The following GPC6 variants were observed in gnomAD, a reference collection of about 807,000 sequenced individuals.
The protein encoded by GPC6 is glypican-6.
GPC6 carries 14 observed loss-of-function variants against 55.2 expected under a neutral mutation model. That is an observed-to-expected ratio of 0.25 (90% confidence interval 0.17 to 0.40). GPC6 has a LOEUF of 0.40. GPC6 is among the 10% of genes least tolerant of loss of function. The probability of loss-of-function intolerance (pLI) is 1.00; values close to 1 mark genes in which losing one functional copy is unlikely to be tolerated. For missense variants in GPC6, 641 were observed against 708.5 expected (o/e 0.90, Z 1.08); for synonymous variants, 278 against 259.6 (o/e 1.07, Z -0.68).
intron 1 of GPC6, among the ~76,000 whole-genome samples, chr13:93,417,701 C>A (rs1327859841): frequency 6.6e-6 from 1 of 151,966 alleles, no homozygotes; most frequent in South Asian, 2.1e-4. Context: ...TTTGAATTTA[C>A]AAAACTGTTG....
chr13:93,541,838 T>G (rs1882318521), intron 1 of GPC6, among the ~76,000 whole-genome samples: 1 of 151,284 alleles, frequency 6.6e-6, no homozygotes, highest in African/African-American at 2.4e-5. Context: ...TTGAGAAGTG[T>G]CTGTTCATGT....
At chr13:93,905,688 T>G (rs987099051) in intron 3 of GPC6, among the ~76,000 whole-genome samples, 7 of 152,226 alleles carry the variant, frequency 4.6e-5, no homozygotes, top group African/African-American at 1.4e-4. Context: ...GCAAATAAAT[T>G]GCTTTCTCTC....
chr13:93,889,667 A>C (rs1444996671), intron 3 of GPC6, among the ~76,000 whole-genome samples: 1 of 152,068 alleles, frequency 6.6e-6, no homozygotes, highest in Non-Finnish European at 1.5e-5. Context: ...TCCATTGAGC[A>C]CCTGTTTTCA....
chr13:93,866,649 AT>A (rs1566576971), intron 3 of GPC6, among the ~76,000 whole-genome samples: 1 of 151,816 alleles, frequency 6.6e-6, no homozygotes, highest in African/African-American at 2.4e-5. Flanking sequence ...GTTCTCACTT[AT>A]AAGTGGAAGC....
intron 1 of GPC6, among the ~76,000 whole-genome samples, chr13:93,480,627 C>A (rs1207697963): frequency 6.6e-6 from 1 of 152,158 alleles, no homozygotes; most frequent in Non-Finnish European, 1.5e-5. Context: ...CCCAAAGAAA[C>A]CCTGTATCCA....
chr13:93,608,212 CT>C (rs11340602), intron 2 of GPC6, among the ~76,000 whole-genome samples: 6,016 of 145,242 alleles, frequency 0.041, 386 homozygotes, highest in African/African-American at 0.14. Context: ...TCTTCCAGAA[CT>C]TTTTTTTTTT....
At chr13:93,849,907 A>G (rs183760498) in intron 3 of GPC6, among the ~76,000 whole-genome samples, 2 of 151,712 alleles carry the variant, frequency 1.3e-5, no homozygotes, top group East Asian at 3.9e-4. Context: ...GAGAAAGGAA[A>G]GAAATAAAGG....
intron 4 of GPC6, among the ~76,000 whole-genome samples, chr13:94,176,099 T>C (rs1041174406): frequency 1.8e-4 from 27 of 151,994 alleles, no homozygotes; most frequent in African/African-American, 6.3e-4. Flanking sequence ...ATAAGCTCCT[T>C]ATATATATTG....
intron 4 of GPC6, among the ~76,000 whole-genome samples, chr13:94,062,509 C>T (rs1418878305): frequency 6.6e-6 from 1 of 152,020 alleles, no homozygotes; most frequent in Non-Finnish European, 1.5e-5. Context: ...CCTCGACCTC[C>T]CAAAGTTCTG....
At chr13:94,356,677 G>A (rs1184678665) in intron 6 of GPC6, among the ~76,000 whole-genome samples, 1 of 152,198 alleles carries the variant, frequency 6.6e-6, no homozygotes, top group African/African-American at 2.4e-5. Flanking sequence ...CATAAGCAAA[G>A]GCTTGAGCTG....
At chr13:93,855,132 A>G (rs543143341) in intron 3 of GPC6, among the ~76,000 whole-genome samples, 1 of 151,834 alleles carries the variant, frequency 6.6e-6, no homozygotes, top group East Asian at 2.0e-4. Context: ...CTTTTACAGT[A>G]TCCTACAGAA....
chr13:94,291,740 A>G (rs1239743173), intron 5 of GPC6, among the ~76,000 whole-genome samples: 2 of 150,806 alleles, frequency 1.3e-5, no homozygotes, highest in Non-Finnish European at 2.9e-5. Context: ...CACTCTTGAT[A>G]AACAGTCTCA....
intron 2 of GPC6, among the ~76,000 whole-genome samples, chr13:93,593,068 A>G (rs1380206206): frequency 1.3e-5 from 2 of 152,102 alleles, no homozygotes; most frequent in Non-Finnish European, 2.9e-5. Flanking sequence ...AAATGAGATA[A>G]TCTTTGAGAC....
intron 3 of GPC6, among the ~76,000 whole-genome samples, chr13:94,026,593 T>G (rs746866519): frequency 5.9e-5 from 9 of 152,116 alleles, no homozygotes; most frequent in African/African-American, 2.2e-4. Context: ...TAAGAGTAGT[T>G]TTCTGTATTT....
intron 3 of GPC6, among the ~76,000 whole-genome samples, chr13:93,903,536 G>T (rs1876475204): frequency 6.6e-6 from 1 of 151,728 alleles, no homozygotes; most frequent in African/African-American, 2.4e-5. Context: ...CCATATCTTT[G>T]CTCAGACTAT....
At chr13:94,224,256 A>AATATATATATATATAT (rs59631105) in intron 4 of GPC6, among the ~76,000 whole-genome samples, 8 of 143,978 alleles carry the variant, frequency 5.6e-5, no homozygotes, top group South Asian at 2.2e-4. Flanking sequence ...ATCATCTTTA[A>AATATATATATATATAT]ATATATATAT....
At chr13:93,347,579 C>T (rs1880474257) in intron 1 of GPC6, among the ~76,000 whole-genome samples, 1 of 152,162 alleles carries the variant, frequency 6.6e-6, no homozygotes, top group Non-Finnish European at 1.5e-5. Flanking sequence ...TCTAATGCTT[C>T]CTATATCATG....
intron 4 of GPC6, among the ~76,000 whole-genome samples, chr13:94,222,670 A>C (rs1321852929): frequency 1.3e-5 from 2 of 152,158 alleles, no homozygotes; most frequent in Non-Finnish European, 2.9e-5. Flanking sequence ...CTCCTTATTC[A>C]ATAGATATTA....
intron 4 of GPC6, among the ~76,000 whole-genome samples, chr13:94,114,439 A>G (rs1393266272): frequency 1.3e-5 from 2 of 152,134 alleles, no homozygotes; most frequent in Non-Finnish European, 2.9e-5. Flanking sequence ...TCAACAGGAA[A>G]CAGTTTTCCT....
Sources: allele counts gnomAD v4.1 joint callset (sites outside exome capture counted in the v4.1 genomes callset), GRCh38; gene constraint gnomAD v4.1.1; transcripts MANE v1.5; gene names NCBI Gene and HGNC (gene_info 2026-07-23, HGNC 2026-07-21).